PPP6R2: variants seen among roughly 807,000 people sequenced by gnomAD.
PPP6R2 encodes the protein protein phosphatase 6 regulatory subunit 2, also known as serine/threonine-protein phosphatase 6 regulatory subunit 2.
Under a neutral mutation model 100.2 loss-of-function variants are expected in PPP6R2, and 62 were observed. The ratio of observed to expected loss-of-function variants is 0.62; its 90% CI spans 0.50 to 0.76. PPP6R2 has a LOEUF of 0.76. PPP6R2 is among the 30% of genes least tolerant of loss of function. The pLI is 0.00. For missense variants in PPP6R2, 1,142 were observed against 1,276.3 expected, an observed-to-expected ratio of 0.89 and a Z score of 1.60; for synonymous variants, 525 against 514.7, an observed-to-expected ratio of 1.02 and a Z score of -0.27.
intron 3 of PPP6R2, among the ~76,000 whole-genome samples, chr22:50,395,293 A>G (rs2056542263): frequency 6.6e-6 from 1 of 152,106 alleles, no homozygotes. Context: ...ACACAGAGGG[A>G]GGGGGCAGTG....
chr22:50,424,382 CCGCGTGTGGA>C (rs2147871990), intron 10 of PPP6R2, among the ~76,000 whole-genome samples: 1 of 151,104 alleles, frequency 6.6e-6, no homozygotes, highest in Non-Finnish European at 1.5e-5. Flanking sequence ...GAAGGTCCGT[CCGCGTGTGGA>C]AGGTCCGTCA....
At chr22:50,437,788 C>T (rs900757337) in intron 16 of PPP6R2, 55 bp from the exon 17 acceptor site, 5 of 1,538,034 alleles carry the variant, frequency 3.3e-6, no homozygotes, top group Admixed American at 2.0e-5. Context: ...CACTGAGGCC[C>T]CAGATGAGCA....
chr22:50,440,313 G>T (rs1006298629), intron 21 of PPP6R2, among the ~76,000 whole-genome samples: 1 of 152,248 alleles, frequency 6.6e-6, no homozygotes, highest in Non-Finnish European at 1.5e-5. Flanking sequence ...CTGCACCCTG[G>T]ATTCCGGACA....
At chr22:50,340,671 T>A (rs1036451714), upstream of PPP6R2, among the ~76,000 whole-genome samples, 2 of 151,644 alleles carry the variant, frequency 1.3e-5, no homozygotes, top group Non-Finnish European at 2.9e-5. Context: ...AAGGGCACAG[T>A]GCAGTCAAGG....
At chr22:50,438,325 G>A (rs771486842) in intron 18 of PPP6R2, 27 bp downstream of exon 18, 1 of 1,600,740 alleles carries the variant, frequency 6.2e-7, no homozygotes, top group Non-Finnish European at 8.5e-7. Context: ...TCCCCACAAA[G>A]CCTCTGCCGA....
the PPP6R2 span, among the ~76,000 whole-genome samples, chr22:50,338,114 T>A: frequency 7.3e-6 from 1 of 136,262 alleles, no homozygotes; most frequent in East Asian, 2.2e-4. Flanking sequence ...GTATGTGGTG[T>A]GTGTGCATGT....
At chr22:50,341,101 C>T (rs949517038), upstream of PPP6R2, among the ~76,000 whole-genome samples, 8 of 151,780 alleles carry the variant, frequency 5.3e-5, no homozygotes, top group African/African-American at 1.7e-4. Context: ...TAGTAGAGAC[C>T]GGGTTTCACC....
intron 1 of PPP6R2, among the ~76,000 whole-genome samples, chr22:50,355,967 C>CT (rs138721205): frequency 0.23 from 33,120 of 143,642 alleles, 5,664 homozygotes; most frequent in African/African-American, 0.48. Flanking sequence ...GTATTTCCCT[C>CT]TTTTTTTTTT....
Position 50,406,770 on chromosome 22 carries a change from G to T in PPP6R2, c.309G>T (p.Leu103=). Residue 103 remains leucine (L), a synonymous_variant, in exon 4 of 24, where the codon CTG becomes CTT. Transcript: ENST00000612753. The stretch of plus-strand genomic sequence containing the variant: ...GCCTCGGTGGGGACGAGAGCCTGCT[G>T]AGCCTCCTGTACGACTTCTTGGACC... ...SDRLGGDESL[L]SLLYDFLDHE... The T allele has an allele frequency of 1.9e-6, 3 of 1,614,030 alleles. No individual in the cohort carries two copies. The highest frequency in any genetic ancestry group is 2.5e-6 in the Non-Finnish European group (3 of 1,179,954).
chr22:50,430,873 C>CAAAAA (rs375308909), intron 10 of PPP6R2, among the ~76,000 whole-genome samples: 39 of 85,644 alleles, frequency 4.6e-4, no homozygotes, highest in Non-Finnish European at 6.5e-4. Context: ...GACTCCGTCT[C>CAAAAA]AAAAAAAAAA....
In PPP6R2 at chr22:50,357,489, GTC is replaced by G. The variant is rs201740118; in HGVS notation, c.-148+13953_-148+13954del. Among the ~76,000 whole-genome samples the G allele has an allele frequency of 3.4e-3, 485 of 143,702 alleles. 4 individuals are homozygous for G. The highest frequency in any genetic ancestry group is 0.012 in the African/African-American group (453 of 38,776). The allele number at this position is 143,702 out of a possible 152,430, so 94.3% of individuals were successfully genotyped here. Reference sequence around the variant, plus strand: ...TCCTTCCTTTCCCCTTTTCCTCCCTGTCTCTCTCTCTCTCTTTCTTTTTTGAT... The same window carrying G: ...TCCTTCCTTTCCCCTTTTCCTCCCTGTCTCTCTCTCTCTTTCTTTTTTGAT... On this transcript the variant is annotated intron_variant, in intron 1 of 23. Transcript: ENST00000612753.
chr22:50,439,671 C>CA, intron 19 of PPP6R2, 30 bp from the exon 20 acceptor site: 5 of 1,532,836 alleles, frequency 3.3e-6, no homozygotes, highest in Non-Finnish European at 4.4e-6. Flanking sequence ...GGCCTGCCCA[C>CA]GCCTGACCAC....
At chr22:50,340,567 G>A (rs553219947), upstream of PPP6R2, among the ~76,000 whole-genome samples, 288 of 143,874 alleles carry the variant, frequency 2.0e-3, 1 homozygote, top group African/African-American at 7.5e-3. Flanking sequence ...GGTATGTAGT[G>A]TGTGTGGTAT....
the PPP6R2 span, among the ~76,000 whole-genome samples, chr22:50,333,621 C>T: frequency 6.6e-6 from 1 of 152,168 alleles, no homozygotes; most frequent in Non-Finnish European, 1.5e-5. Context: ...CATGAGCCAC[C>T]GCGCCTGGCC....
chr22:50,377,140 T>C (rs2051776582), intron 2 of PPP6R2, among the ~76,000 whole-genome samples: 1 of 152,096 alleles, frequency 6.6e-6, no homozygotes, highest in Non-Finnish European at 1.5e-5. Context: ...CTTCTAGAAA[T>C]AAAGAATAAA....
At position 50,439,811 on chromosome 22, in the gene PPP6R2, G is replaced by A. The variant is rs550369625; in HGVS notation, c.2239G>A (p.Glu747Lys). 30 of 1,613,894 alleles carry A rather than the reference G, an allele frequency of 1.9e-5. 1 individual carries two copies. The East Asian group carries it at 6.2e-4, about 34-fold the overall frequency. Residue 747 changes from glutamate (E) to lysine (K), a missense_variant, in exon 20 of 24, where the codon GAG becomes AAG. Physicochemically the swap from Glu to Lys is moderately conservative, Grantham distance 56 (BLOSUM62 1). This residue lies in a region of PPP6R2 where 550 missense variants were observed against 517.4 expected (regional missense o/e 1.06). Coordinates refer to ENST00000612753, the MANE Select transcript of PPP6R2 (RefSeq NM_001242898.2). ...GTGGGCAGCTGGCACCTCAGCTCCA[G>A]AGGAGAAAGGCTGGGCCAAGTTCAC... is the stretch of plus-strand genomic sequence containing the variant. ...SVWAAGTSAPEEKGWAKFTDF... is the reference protein window; with the variant it reads ...SVWAAGTSAPKEKGWAKFTDF...
At chr22:50,438,507 C>G in intron 18 of PPP6R2, 92 bp from the exon 19 acceptor site, 1 of 1,498,542 alleles carries the variant, frequency 6.7e-7, no homozygotes, top group Non-Finnish European at 9.1e-7. Flanking sequence ...GATCTGTGCT[C>G]ACCCTCAGCC....
chr22:50,336,516 C>T, the PPP6R2 span, among the ~76,000 whole-genome samples: 2 of 152,082 alleles, frequency 1.3e-5, no homozygotes, highest in Non-Finnish European at 2.9e-5. Flanking sequence ...GCTGGGACTA[C>T]AGTCGTGCAT....
At position 50,387,304 on chromosome 22, in the gene PPP6R2, C is replaced by CCCTCAG. The variant is rs568355678; in HGVS notation, c.-16-6578_-16-6573dup. Among the ~76,000 whole-genome samples, 416 of 152,214 alleles carry CCCTCAG rather than the reference C, an allele frequency of 2.7e-3. 2 individuals are homozygous for CCCTCAG. The highest frequency in any genetic ancestry group is 9.5e-3 in the African/African-American group (395 of 41,536). On this transcript the variant is annotated intron_variant, in intron 2 of 23. Transcript: ENST00000612753. ...TGTCTTGAACTCTGGGCTCAAGTGACCCTCAGCCTCAGCCTCGGCCTCCCG... is the reference window on the plus strand; with the variant it reads ...TGTCTTGAACTCTGGGCTCAAGTGACCCTCAGCCTCAGCCTCAGCCTCGGCCTCCCG...
Sources: gnomAD v4.1 joint callset for allele counts (sites outside exome capture counted in the v4.1 genomes callset) on GRCh38, gnomAD v4.1.1 for gene constraint, gnomAD v4.1.1 regional missense constraint, MANE v1.5 for transcripts, NCBI Gene and HGNC (gene_info 2026-07-23, HGNC 2026-07-21) for gene names.